The following SIX4 variants were observed in gnomAD, a reference collection of about 807,000 sequenced individuals.
SIX4 encodes the protein homeobox protein SIX4.
A neutral mutation model predicts 51.5 loss-of-function variants in SIX4; 23 were observed. The observed-to-expected ratio is 0.45, with a 90% CI of 0.32 to 0.63. SIX4 has a LOEUF of 0.63. SIX4 is among the 30% of genes least tolerant of loss of function. The pLI, the probability that SIX4 is intolerant of heterozygous loss-of-function variation, is 0.04. For missense variants in SIX4, 867 were observed against 984.0 expected (o/e 0.88, Z 1.59); for synonymous variants, 413 against 417.3 (o/e 0.99, Z 0.13).
rs1895867728 is a variant in SIX4, at chr14:60,713,829, G to A, written c.1924C>T (p.Pro642Ser). 1.2e-6 allele frequency: 2 copies of A among 1,614,176 alleles called. No homozygotes were observed. The highest frequency in any genetic ancestry group is 1.7e-6 in the Non-Finnish European group (2 of 1,180,040). ...ELNRDIADSQ[P>S]MSAPVASKST... ...TTGCTTGCCACCGGTGCAGACATTG[G>A]TTGGCTATCGGCAATGTCGCGGTTT... Residue 642 changes from proline (P) to serine (S), a missense_variant, in exon 3 of 3, where the codon CCA becomes TCA. By Grantham distance (74) the Pro-to-Ser change is moderately conservative. Coordinates refer to ENST00000216513, the MANE Select transcript of SIX4 (RefSeq NM_017420.5).
chr14:60,713,241 T>G lies in SIX4; in HGVS notation c.*166A>C, dbSNP rs185736338. 447 of 666,380 alleles carry G rather than the reference T, an allele frequency of 6.7e-4. 3 individuals are homozygous for G. The highest frequency in any genetic ancestry group is 5.6e-3 in the African/African-American group (308 of 55,294). The allele number at this position is 666,380 out of a possible 1,614,324, so 41.3% of individuals were successfully genotyped here. On this transcript the variant is annotated 3_prime_UTR_variant, in exon 3 of 3. Transcript: ENST00000216513. ...GGCTGCAATAATGCAGTTCTACTCCTGTATACTTAACTGTGATCTTCATGC... is the reference window on the plus strand; with the variant it reads ...GGCTGCAATAATGCAGTTCTACTCCGGTATACTTAACTGTGATCTTCATGC...
chr14:60,723,173 G>T, intron 1 of SIX4, 39 bp downstream of exon 1: 1 of 1,544,804 alleles, frequency 6.5e-7, no homozygotes, highest in South Asian at 1.2e-5. Context: ...AAGGGGGTGG[G>T]GGAGAGGAAG....
chr14:60,723,884 C>A lies in SIX4; in HGVS notation c.191G>T (p.Arg64Met). Residue 64 changes from arginine (R) to methionine (M), a missense_variant, in exon 1 of 3, where the codon AGG becomes ATG. Coordinates refer to ENST00000216513, the MANE Select transcript of SIX4 (RefSeq NM_017420.5). ...CACTGCCCCTTCCTCTCCGCTCACC[C>A]TGGCGGCAGCGGTCGCGGCGTCCCC... ...EPGDAATAAARVSGEEGAVAA... is the reference protein window; with the variant it reads ...EPGDAATAAAMVSGEEGAVAA... The A allele has an allele frequency of 6.5e-7, 1 of 1,531,514 alleles. No individual in the cohort carries two copies. The highest frequency in any genetic ancestry group is 8.7e-7 in the Non-Finnish European group (1 of 1,155,240). 94.9% of individuals were successfully genotyped at this position (1,531,514 alleles called of 1,614,324 possible). A position where few individuals can be genotyped will look rare whatever the true frequency, so the allele number is the denominator to read the frequency against.
rs1896090253 is a variant in SIX4, at chr14:60,723,975, C to G, written c.100G>C (p.Glu34Gln). 1 of 1,512,694 alleles carries G rather than the reference C, an allele frequency of 6.6e-7. No individual in the cohort carries two copies. Among genetic ancestry groups the G allele is most frequent in the East Asian group, 2.3e-5 (1 of 42,904 alleles). The allele number at this position is 1,512,694 out of a possible 1,614,324, so 93.7% of individuals were successfully genotyped here. A position where few individuals can be genotyped will look rare whatever the true frequency, so the allele number is the denominator to read the frequency against. ...SASEGQEAHREVAGGAAVGLS... is the reference protein window; with the variant it reads ...SASEGQEAHRQVAGGAAVGLS... ...CCTACCGCCGCGCCCCCCGCCACTT[C>G]TCGGTGCGCCTCCTGCCCTTCCGAG... Residue 34 changes from glutamate (E) to glutamine (Q), a missense_variant, in exon 1 of 3, where the codon GAA (glutamate) becomes CAA (glutamine). Coordinates refer to ENST00000216513, the MANE Select transcript of SIX4 (RefSeq NM_017420.5).
rs564278698 is a variant in SIX4, at chr14:60,714,366, TAC to T, written c.1550-165_1550-164del. ...CAGAATTACCTTGGGCACCTAAAAC[TAC>T]AGATTCCCAGGCTCTACTCCTTGAA... is the stretch of plus-strand genomic sequence containing the variant. On this transcript the variant is annotated intron_variant, in intron 2 of 2. Transcript: ENST00000216513. Among the ~76,000 whole-genome samples, 48 of 152,250 alleles carry T rather than the reference TAC, an allele frequency of 3.2e-4. No homozygotes were observed. In the South Asian group the frequency reaches 9.8e-3, roughly 31 times the overall value.
Position 60,717,667 on chromosome 14 carries a change from A to T in SIX4, c.1549+2093T>A, listed in dbSNP as rs773545340. 6.6e-6 allele frequency among the ~76,000 whole-genome samples: 1 copy of T among 152,192 alleles called. No homozygotes were observed. The highest frequency in any genetic ancestry group is 1.5e-5 in the Non-Finnish European group (1 of 68,034). ...GAAGTAAAAATTGAACAACAATTTTAAGATAAAAAAATCCAACTGAAAAAC... is the reference window on the plus strand; with the variant it reads ...GAAGTAAAAATTGAACAACAATTTTTAGATAAAAAAATCCAACTGAAAAAC... On this transcript the variant is annotated intron_variant, in intron 2 of 2. Transcript: ENST00000216513. The surrounding 1 kb of genome is among the most constrained non-coding windows in gnomAD (Gnocchi z 4.6).
In SIX4 at chr14:60,711,223, G is replaced by A. The variant is rs1895814545; in HGVS notation, c.*2184C>T. ...CAAGCTCTATGAGTAGTAGTAGAGTGGAAAAGAACTCTCAAACACCTGACT... is the reference window on the plus strand; with the variant it reads ...CAAGCTCTATGAGTAGTAGTAGAGTAGAAAAGAACTCTCAAACACCTGACT... On this transcript the variant is annotated 3_prime_UTR_variant, in exon 3 of 3. Coordinates refer to ENST00000216513, the MANE Select transcript of SIX4 (RefSeq NM_017420.5). The A allele has an allele frequency of 6.6e-6, 1 of 152,274 alleles. No individual in the cohort carries two copies. Among genetic ancestry groups the A allele is most frequent in the Non-Finnish European group, 1.5e-5 (1 of 67,982 alleles). 9.4% of individuals were successfully genotyped at this position (152,274 alleles called of 1,614,324 possible). A position where few individuals can be genotyped will look rare whatever the true frequency, so the allele number is the denominator to read the frequency against.
At position 60,713,592 on chromosome 14, in the gene SIX4, T is replaced by G. The variant is rs1895861673; in HGVS notation, c.2161A>C (p.Met721Leu). 6.2e-7 allele frequency: 1 copy of G among 1,614,130 alleles called. No individual in the cohort carries two copies. The highest frequency in any genetic ancestry group is 8.5e-7 in the Non-Finnish European group (1 of 1,180,054). Residue 721 changes from methionine to leucine, a missense_variant, in exon 3 of 3, where the codon ATG (methionine) becomes CTG (leucine). Transcript: ENST00000216513. ...HRLVLQSVANMKENFLSNSES... is the reference protein window; with the variant it reads ...HRLVLQSVANLKENFLSNSES... The stretch of plus-strand genomic sequence containing the variant: ...GAATTTGATAAGAAATTCTCTTTCA[T>G]GTTAGCTACCGATTGCAGAACCAAA...
rs1317156763 is a variant in SIX4, at chr14:60,722,116, C to G, written c.863+1096G>C. 6.6e-6 allele frequency among the ~76,000 whole-genome samples: 1 copy of G among 152,188 alleles called. No homozygotes were observed. The highest frequency in any genetic ancestry group is 2.4e-5 in the African/African-American group (1 of 41,452). ...TCCCAGTTTGCTTCCCCGAGAAGAA[C>G]CTTCGAGCTGCTTTTGGATTCTTTC... On this transcript the variant is annotated intron_variant, in intron 1 of 2. Transcript: ENST00000216513. This position sits in a 1 kb window ranked among gnomAD's most constrained non-coding sequence, Gnocchi z 5.9.
In SIX4 at chr14:60,722,137, C is replaced by T. The variant is rs1896033082; in HGVS notation, c.863+1075G>A. Among the ~76,000 whole-genome samples the T allele has an allele frequency of 6.6e-6, 1 of 152,200 alleles. No homozygotes were observed. The highest frequency in any genetic ancestry group is 6.5e-5 in the Admixed American group (1 of 15,288). The stretch of plus-strand genomic sequence containing the variant: ...AGAACCTTCGAGCTGCTTTTGGATT[C>T]TTTCTCTCCTATCCCCGCGGGGCTG... On this transcript the variant is annotated intron_variant, in intron 1 of 2. Coordinates refer to ENST00000216513, the MANE Select transcript of SIX4 (RefSeq NM_017420.5). The surrounding 1 kb of genome is among the most constrained non-coding windows in gnomAD (Gnocchi z 5.9).
rs1174618468 is a variant in SIX4, at chr14:60,724,166, C to T, written c.-92G>A. 2 of 1,597,474 alleles carry T rather than the reference C, an allele frequency of 1.3e-6. No individual in the cohort carries two copies. The highest frequency in any genetic ancestry group is 2.2e-5 in the East Asian group (1 of 44,608). ...CTTACTCCTCCTCCTTCGTCTCCCT[C>T]CCTCCTCTCCCCCTCCGGAAAGCCC... On this transcript the variant is annotated 5_prime_UTR_variant, in exon 1 of 3. Transcript: ENST00000216513.
In SIX4 at chr14:60,714,101, C is replaced by G; in HGVS notation, c.1652G>C (p.Ser551Thr). 1.2e-6 allele frequency: 2 copies of G among 1,614,106 alleles called. No homozygotes were observed. The highest frequency in any genetic ancestry group is 1.7e-6 in the Non-Finnish European group (2 of 1,180,028). ...ATTAGGAACCGTGTATACCACTGCA[C>G]TGGGAGCAAGAGAGCTCAAGAAAAC... ...GKVFLSSLAPSAVVYTVPNTG... is the reference protein window; with the variant it reads ...GKVFLSSLAPTAVVYTVPNTG... Residue 551 changes from serine (S) to threonine (T), a missense_variant, in exon 3 of 3, where the codon AGT becomes ACT. Coordinates refer to ENST00000216513, the MANE Select transcript of SIX4 (RefSeq NM_017420.5).
At chr14:60,716,569 G>A (rs151155715) in intron 2 of SIX4, among the ~76,000 whole-genome samples, 2,800 of 152,012 alleles carry the variant, frequency 0.018, 83 homozygotes, top group African/African-American at 0.064. Flanking sequence ...AAAAATTTTT[G>A]TAGAGATGAG....
In SIX4 at chr14:60,713,459, T is replaced by G. The variant is rs1393235880; in HGVS notation, c.2294A>C (p.Glu765Ala). Reference protein sequence around the residue: ...VCEDLETDKKELAKLQTVQLD... With the variant: ...VCEDLETDKKALAKLQTVQLD... ...CTGGACAGTCTGGAGCTTGGCAAGC[T>G]CTTTTTTGTCTGTTTCCAGGTCTTC... The change falls in exon 3 of 3, where the codon GAG becomes GCG. Residue 765 changes from glutamate to alanine, a missense_variant. Coordinates refer to ENST00000216513, the MANE Select transcript of SIX4 (RefSeq NM_017420.5). 1 of 1,613,740 alleles carries G rather than the reference T, an allele frequency of 6.2e-7. No homozygotes were observed. The highest frequency in any genetic ancestry group is 1.7e-5 in the Admixed American group (1 of 59,908).
Position 60,719,960 on chromosome 14 carries a change from C to G in SIX4, c.1349G>C (p.Ser450Thr). ...AATGCCTTCTCTTTTCACCTCAGTG[C>G]TGGGTATCAGGCCTGGGAATGAGAC... ...VPVSFPGLIP[S>T]TEVKREGIQT... The change falls in exon 2 of 3, where the codon AGC (serine) becomes ACC (threonine). Residue 450 changes from serine (S) to threonine (T), a missense_variant. Transcript: ENST00000216513. The surrounding 1 kb of genome is among the most constrained non-coding windows in gnomAD (Gnocchi z 4.9). 4.3e-6 allele frequency: 7 copies of G among 1,614,184 alleles called. No individual in the cohort carries two copies. The highest frequency in any genetic ancestry group is 5.1e-6 in the Non-Finnish European group (6 of 1,180,034).
At chr14:60,716,275 C>G (rs1263336882) in intron 2 of SIX4, among the ~76,000 whole-genome samples, 1 of 150,920 alleles carries the variant, frequency 6.6e-6, no homozygotes, top group Non-Finnish European at 1.5e-5. Context: ...TTTTTTGAGA[C>G]AGAGTCTCGC....
At chr14:60,714,561 C>T (rs972397481) in intron 2 of SIX4, among the ~76,000 whole-genome samples, 1 of 152,180 alleles carries the variant, frequency 6.6e-6, no homozygotes, top group Non-Finnish European at 1.5e-5. Context: ...CCCCATCTTT[C>T]ATCAGCTTCT....
chr14:60,717,075 T>G lies in SIX4; in HGVS notation c.1549+2685A>C. 1 of 325,216 alleles carries G rather than the reference T, an allele frequency of 3.1e-6. No individual in the cohort carries two copies. Among genetic ancestry groups the G allele is most frequent in the South Asian group, 2.6e-5 (1 of 39,046 alleles). 20.1% of individuals were successfully genotyped at this position (325,216 alleles called of 1,614,324 possible). A position where few individuals can be genotyped will look rare whatever the true frequency, so the allele number is the denominator to read the frequency against. On this transcript the variant is annotated intron_variant, in intron 2 of 2. Transcript: ENST00000216513. The surrounding 1 kb of genome is among the most constrained non-coding windows in gnomAD (Gnocchi z 4.6). ...TTTAAAACTCTTATTTTTATTTATT[T>G]ATTTATTTATTTTTGAGATAAGGGG...
chr14:60,721,650 C>T (rs1044710099), intron 1 of SIX4, among the ~76,000 whole-genome samples: 1 of 150,166 alleles, frequency 6.7e-6, no homozygotes, highest in Admixed American at 6.6e-5. Flanking sequence ...GCGGGGGGGA[C>T]GAAGAAGCCA....
Sources: allele counts gnomAD v4.1 joint callset (sites outside exome capture counted in the v4.1 genomes callset), GRCh38; gene constraint gnomAD v4.1.1; non-coding constraint Gnocchi (gnomAD v3.1); transcripts MANE v1.5; gene names NCBI Gene and HGNC (gene_info 2026-07-23, HGNC 2026-07-21).